Variants in GSE1 observed in about 807,000 individuals in gnomAD.
GSE1 encodes the protein Gse1 coiled-coil protein.
Under a neutral mutation model 112.6 loss-of-function variants are expected in GSE1, and 32 were observed. That is an observed-to-expected ratio of 0.28 (90% CI 0.21 to 0.38). GSE1 has a LOEUF of 0.38. GSE1 is among the 10% of genes least tolerant of loss of function. The pLI is 1.00. For missense variants in GSE1, 2,348 were observed against 1,699.2 expected, an observed-to-expected ratio of 1.38 and a Z score of -6.71; for synonymous variants, 1,115 against 735.6, an observed-to-expected ratio of 1.52 and a Z score of -8.35.
At chr16:85,266,556 C>G (rs1474645404) in intron 1 of GSE1, among the ~76,000 whole-genome samples, 1 of 152,110 alleles carries the variant, frequency 6.6e-6, no homozygotes, top group Non-Finnish European at 1.5e-5. Flanking sequence ...TGATGGGTCT[C>G]CAACACTGCC....
At chr16:85,407,260 T>A (rs373559983) in intron 2 of GSE1, among the ~76,000 whole-genome samples, 2 of 38,592 alleles carry the variant, frequency 5.2e-5, no homozygotes, top group Admixed American at 2.6e-4. Flanking sequence ...TCGCTGTTAC[T>A]CTCAGGGCCC....
intron 2 of GSE1, among the ~76,000 whole-genome samples, chr16:85,519,955 G>C (rs72801127): frequency 0.14 from 21,229 of 152,050 alleles, 1,704 homozygotes; most frequent in Admixed American, 0.21. Flanking sequence ...GGTCCCAGAG[G>C]CTTCTCCTTA....
chr16:85,341,181 A>G (rs2046616660), intron 1 of GSE1, among the ~76,000 whole-genome samples: 1 of 151,462 alleles, frequency 6.6e-6, no homozygotes, highest in Admixed American at 6.6e-5. Flanking sequence ...TAAGCTCTCT[A>G]GGGGCTCTGT....
intron 2 of GSE1, among the ~76,000 whole-genome samples, chr16:85,637,659 A>G (rs2050115128): frequency 6.6e-6 from 1 of 152,168 alleles, no homozygotes; most frequent in African/African-American, 2.4e-5. Context: ...CCCGGGTCCC[A>G]CGTTGTAAGT....
At chr16:85,396,690 G>C (rs1202540630) in intron 2 of GSE1, among the ~76,000 whole-genome samples, 3 of 152,256 alleles carry the variant, frequency 2.0e-5, no homozygotes, top group African/African-American at 7.2e-5. Flanking sequence ...CAACGGGGCA[G>C]GATGGATGTC....
chr16:85,369,762 G>A (rs1453719884), intron 2 of GSE1, among the ~76,000 whole-genome samples: 1 of 152,228 alleles, frequency 6.6e-6, no homozygotes, highest in Non-Finnish European at 1.5e-5. Context: ...TGGCTGGGCT[G>A]AGCTGGCTGA....
At chr16:85,438,531 C>T (rs1207896907) in intron 2 of GSE1, among the ~76,000 whole-genome samples, 1 of 152,168 alleles carries the variant, frequency 6.6e-6, no homozygotes, top group African/African-American at 2.4e-5. Flanking sequence ...TAGGTGCTGT[C>T]AGCCTCTTCT....
intron 14 of GSE1, among the ~76,000 whole-genome samples, chr16:85,669,367 T>G (rs1370267953): frequency 6.6e-6 from 1 of 152,254 alleles, no homozygotes; most frequent in Non-Finnish European, 1.5e-5. Context: ...ATTATGAATG[T>G]CAGCCACTTC....
intron 1 of GSE1, among the ~76,000 whole-genome samples, chr16:85,261,103 C>G (rs1486515993): frequency 1.3e-5 from 2 of 152,232 alleles, no homozygotes; most frequent in Non-Finnish European, 2.9e-5. Flanking sequence ...GTGATCAGCC[C>G]TTACCACCCC....
chr16:85,621,265 T>A (rs1301776225), intron 1 of GSE1, among the ~76,000 whole-genome samples: 3 of 152,232 alleles, frequency 2.0e-5, no homozygotes, highest in Non-Finnish European at 4.4e-5. Context: ...CCTGGGTCTG[T>A]GCTCTGTTGG....
chr16:85,228,909 C>T (rs962520397), intron 1 of GSE1, among the ~76,000 whole-genome samples: 4 of 152,222 alleles, frequency 2.6e-5, no homozygotes, highest in Non-Finnish European at 5.9e-5. Flanking sequence ...GGAAAACATA[C>T]CCGAAGGAGT....
rs574149835 is a variant in GSE1, at chr16:85,512,028, G to A, written c.2465-121886G>A. Among the ~76,000 whole-genome samples, 6 of 152,314 alleles carry A rather than the reference G, an allele frequency of 3.9e-5. No homozygotes were observed. The South Asian group carries it at 1.2e-3, about 32-fold the overall frequency. On this transcript the variant is annotated intron_variant, in intron 2 of 2. Transcript: ENST00000637419. Reference sequence around the variant, plus strand: ...GGTCTCCACGCAGGAGTGGAGGGAGGTGCATCGCAGTGTTGTGAGGGTCCG... The same window carrying A: ...GGTCTCCACGCAGGAGTGGAGGGAGATGCATCGCAGTGTTGTGAGGGTCCG...
At chr16:85,585,781 C>G (rs1161020115) in intron 1 of GSE1, among the ~76,000 whole-genome samples, 2 of 152,242 alleles carry the variant, frequency 1.3e-5, no homozygotes, top group Non-Finnish European at 2.9e-5. Flanking sequence ...AGCTTCCCAG[C>G]CAGTGTCTTA....
intron 1 of GSE1, among the ~76,000 whole-genome samples, chr16:85,251,852 C>T (rs1458879723): frequency 3.3e-5 from 5 of 152,190 alleles, no homozygotes; most frequent in Non-Finnish European, 5.9e-5. Context: ...GCTGGGTGTG[C>T]GGAACCCCTA....
At chr16:85,654,478 A>G (rs752120451) in intron 4 of GSE1, 28 bp downstream of exon 4, 1 of 1,540,946 alleles carries the variant, frequency 6.5e-7, no homozygotes, top group South Asian at 1.2e-5. Context: ...GACTTCGGTG[A>G]GGTGGCCAGG....
At chr16:85,554,129 C>A (rs892249813), upstream of GSE1, among the ~76,000 whole-genome samples, 1 of 149,490 alleles carries the variant, frequency 6.7e-6, no homozygotes, top group Non-Finnish European at 1.5e-5. Flanking sequence ...ATTGTCACAT[C>A]AAGAGGCAGC....
At chr16:85,596,172 C>A (rs1019742043) in intron 1 of GSE1, among the ~76,000 whole-genome samples, 1 of 152,112 alleles carries the variant, frequency 6.6e-6, no homozygotes, top group East Asian at 1.9e-4. Context: ...CTGCCTCCCC[C>A]ACCGCTGCAT....
chr16:85,670,942 G>C, intron 14 of GSE1, 53 bp from the exon 15 acceptor site: 1 of 1,109,286 alleles, frequency 9.0e-7, no homozygotes, highest in Non-Finnish European at 1.4e-6. Context: ...GCACAAAGCG[G>C]GCCTTCGGGC....
chr16:85,418,679 C>T (rs1304109277), intron 2 of GSE1, among the ~76,000 whole-genome samples: 2 of 152,100 alleles, frequency 1.3e-5, no homozygotes, highest in Non-Finnish European at 2.9e-5. Flanking sequence ...GAGAGAGAGT[C>T]CTTCCAAGGT....
Sources: gnomAD v4.1 joint callset for allele counts (sites outside exome capture counted in the v4.1 genomes callset) on GRCh38, gnomAD v4.1.1 for gene constraint, MANE v1.5 for transcripts, NCBI Gene and HGNC (gene_info 2026-07-23, HGNC 2026-07-21) for gene names.